SDK2: variants seen among roughly 807,000 people sequenced by gnomAD.
SDK2 encodes protein sidekick-2.
A neutral mutation model predicts 253.9 loss-of-function variants in SDK2; 105 were observed. That is an observed-to-expected ratio of 0.41 (90% CI 0.35 to 0.49). The LOEUF is 0.49. Ranked by LOEUF, SDK2 falls within the 20% of genes least tolerant of loss-of-function variation. The pLI is 0.06. For synonymous variants in SDK2, 1,249 were observed against 1,234.9 expected (o/e 1.01, Z -0.24); for missense variants, 2,608 against 3,003.0 (o/e 0.87, Z 3.07).
intron 3 of SDK2, among the ~76,000 whole-genome samples, chr17:73,457,265 TC>T (rs2063533261): frequency 1.7e-3 from 92 of 54,038 alleles, no homozygotes; most frequent in East Asian, 0.011. Context: ...CTTCCTTCCT[TC>T]CTTCCTTCCT....
At chr17:73,353,022 T>C (rs978294923) in intron 40 of SDK2, among the ~76,000 whole-genome samples, 2 of 151,742 alleles carry the variant, frequency 1.3e-5, no homozygotes, top group African/African-American at 2.4e-5. Flanking sequence ...AGCTGGGAGA[T>C]GGAAGTTGCA....
chr17:73,346,142 G>C (rs2062481771), intron 44 of SDK2, among the ~76,000 whole-genome samples: 1 of 151,690 alleles, frequency 6.6e-6, no homozygotes, highest in Admixed American at 6.6e-5. Context: ...GGAGGTGGAG[G>C]TTGCAGTGAG....
chr17:73,420,712 G>A lies in SDK2; in HGVS notation c.2046-1406C>T, dbSNP rs113468133. 6.6e-3 allele frequency among the ~76,000 whole-genome samples: 974 copies of A among 148,406 alleles called. 9 individuals carry two copies. Among genetic ancestry groups the A allele is most frequent in the African/African-American group, 0.023 (922 of 40,112 alleles). On this transcript the variant is annotated intron_variant, in intron 15 of 44. Coordinates refer to ENST00000392650, the MANE Select transcript of SDK2 (RefSeq NM_001144952.2). ...GTTTTTGAGGAAAGATTTCACTCTT[G>A]TCCCCCAGGCTGGAGTGCGGTGGCA...
At chr17:73,603,480 C>A (rs1384071744) in intron 1 of SDK2, among the ~76,000 whole-genome samples, 1 of 152,204 alleles carries the variant, frequency 6.6e-6, no homozygotes, top group East Asian at 1.9e-4. Context: ...ATGTAGCTAG[C>A]CTGGGTCCCA....
At chr17:73,493,965 C>G (rs1872077) in intron 2 of SDK2, among the ~76,000 whole-genome samples, 1 of 151,974 alleles carries the variant, frequency 6.6e-6, no homozygotes, top group Non-Finnish European at 1.5e-5. Flanking sequence ...ACAAGGACAC[C>G]GAGGGAACTC....
chr17:73,433,447 C>T (rs764157357), intron 10 of SDK2, among the ~76,000 whole-genome samples: 14 of 152,142 alleles, frequency 9.2e-5, no homozygotes, highest in Admixed American at 2.0e-4. Context: ...CCACCATGCC[C>T]GGCTAATTTT....
intron 1 of SDK2, among the ~76,000 whole-genome samples, chr17:73,532,109 G>GT (rs1168472622): frequency 6.6e-6 from 1 of 152,222 alleles, no homozygotes; most frequent in Non-Finnish European, 1.5e-5. Flanking sequence ...GTCCGGAGAT[G>GT]TTTTTGGTCG....
chr17:73,631,272 C>T (rs539287790), intron 1 of SDK2, among the ~76,000 whole-genome samples: 27 of 152,276 alleles, frequency 1.8e-4, no homozygotes, highest in African/African-American at 5.8e-4. Context: ...CCGGCCAACC[C>T]GCTCTCTGCC....
At chr17:73,408,065 C>CTT (rs2063094795) in intron 18 of SDK2, among the ~76,000 whole-genome samples, 1 of 128,890 alleles carries the variant, frequency 7.8e-6, no homozygotes, top group African/African-American at 2.9e-5. Context: ...TTTTTTTTTT[C>CTT]TTTTGAGACA....
chr17:73,472,070 C>T, intron 3 of SDK2, 42 bp downstream of exon 3: 2 of 1,439,284 alleles, frequency 1.4e-6, no homozygotes. Flanking sequence ...CACTCTGGCA[C>T]CACAGTCGCC....
intron 44 of SDK2, among the ~76,000 whole-genome samples, chr17:73,346,231 A>G (rs2062483288): frequency 6.6e-6 from 1 of 152,018 alleles, no homozygotes; most frequent in African/African-American, 2.4e-5. Flanking sequence ...AAAAAAGAAA[A>G]AGAAAACATG....
chr17:73,486,354 A>G (rs2063769139), intron 2 of SDK2, among the ~76,000 whole-genome samples: 1 of 152,112 alleles, frequency 6.6e-6, no homozygotes, highest in South Asian at 2.1e-4. Flanking sequence ...CACATCTGTA[A>G]TCCCATCACT....
At chr17:73,417,263 G>A (rs1418018999) in intron 16 of SDK2, among the ~76,000 whole-genome samples, 3 of 150,574 alleles carry the variant, frequency 2.0e-5, no homozygotes, top group Admixed American at 6.6e-5. Flanking sequence ...AAAATTAGCC[G>A]GATGTGGTGG....
At chr17:73,369,130 CTG>C (rs748224763) in intron 36 of SDK2, 37 of 470,806 alleles carry the variant, frequency 7.9e-5, no homozygotes, top group Non-Finnish European at 1.5e-4. Context: ...CCCCAAGTGT[CTG>C]TGTTTCCCGC....
intron 33 of SDK2, among the ~76,000 whole-genome samples, chr17:73,382,537 G>A (rs1159451512): frequency 1.3e-5 from 2 of 152,230 alleles, no homozygotes; most frequent in Admixed American, 6.5e-5. Flanking sequence ...CTTTCGTTAT[G>A]TACCAAGGTG....
At chr17:73,582,744 C>T (rs1166256018) in intron 1 of SDK2, among the ~76,000 whole-genome samples, 1 of 152,170 alleles carries the variant, frequency 6.6e-6, no homozygotes, top group Non-Finnish European at 1.5e-5. Context: ...GGGTACCCCC[C>T]TTCAGCCCTT....
chr17:73,633,934 G>T (rs141970368), intron 1 of SDK2, among the ~76,000 whole-genome samples: 1 of 152,162 alleles, frequency 6.6e-6, no homozygotes. Flanking sequence ...GGCAGTGTGA[G>T]CTTGGTGGAA....
intron 1 of SDK2, among the ~76,000 whole-genome samples, chr17:73,614,863 T>C (rs2046033221): frequency 6.6e-6 from 1 of 151,450 alleles, no homozygotes; most frequent in Non-Finnish European, 1.5e-5. Context: ...ATTGAAAAAC[T>C]ACCTATCAGG....
At chr17:73,604,194 C>T (rs1238370288) in intron 1 of SDK2, among the ~76,000 whole-genome samples, 1 of 152,252 alleles carries the variant, frequency 6.6e-6, no homozygotes. Context: ...CACACACACT[C>T]TCTTGAGCGA....
Sources: allele counts gnomAD v4.1 joint callset (sites outside exome capture counted in the v4.1 genomes callset), GRCh38; gene constraint gnomAD v4.1.1; transcripts MANE v1.5; gene names NCBI Gene and HGNC (gene_info 2026-07-23, HGNC 2026-07-21).